The following ADARB2 variants were observed in gnomAD, a reference collection of about 807,000 sequenced individuals.
ADARB2 encodes the protein adenosine deaminase RNA specific B2 (inactive), also known as inactive double-stranded RNA-specific editase B2.
In ADARB2, 25 loss-of-function variants were observed where a neutral mutation model predicts 62.2. The ratio of observed to expected loss-of-function variants is 0.40; its 90% CI spans 0.29 to 0.56. The LOEUF (loss-of-function observed/expected upper bound fraction) is 0.56, where lower values mean the gene tolerates loss of function less well. Among genes scored for constraint, ADARB2 ranks in the 20% least tolerant of loss-of-function variants. The probability of loss-of-function intolerance (pLI) is 0.43; values close to 1 mark genes in which losing one functional copy is unlikely to be tolerated. For missense variants in ADARB2, 1,071 were observed against 1,077.4 expected (o/e 0.99, Z 0.08); for synonymous variants, 572 against 500.8 (o/e 1.14, Z -1.90).
intron 1 of ADARB2, among the ~76,000 whole-genome samples, chr10:1,609,871 C>T (rs1833545748): frequency 2.0e-5 from 3 of 152,352 alleles, no homozygotes; most frequent in South Asian, 2.1e-4. Flanking sequence ...TCTCCAGCAT[C>T]GGAGGGCAGG....
chr10:1,419,379 T>G (rs1832834262), intron 1 of ADARB2, among the ~76,000 whole-genome samples: 1 of 152,220 alleles, frequency 6.6e-6, no homozygotes, highest in Admixed American at 6.5e-5. Context: ...TACTCCCAAT[T>G]TAATATATAA....
intron 3 of ADARB2, among the ~76,000 whole-genome samples, chr10:1,288,641 G>A (rs962909882): frequency 2.0e-5 from 3 of 152,220 alleles, no homozygotes; most frequent in African/African-American, 7.2e-5. Context: ...CCTCAGATGA[G>A]ATGAGCCTGC....
At chr10:1,539,131 A>G (rs2131966508) in intron 1 of ADARB2, among the ~76,000 whole-genome samples, 1 of 152,188 alleles carries the variant, frequency 6.6e-6, no homozygotes, top group East Asian at 1.9e-4. Flanking sequence ...AGCGGGTATA[A>G]CAGAAACTCC....
chr10:1,686,515 G>A (rs1834598594), intron 1 of ADARB2, among the ~76,000 whole-genome samples: 1 of 152,216 alleles, frequency 6.6e-6, no homozygotes. Flanking sequence ...ACAAGGCTGT[G>A]GATTGCTGAT....
intron 3 of ADARB2, among the ~76,000 whole-genome samples, chr10:1,336,996 T>G (rs1477420810): frequency 6.6e-6 from 1 of 152,012 alleles, no homozygotes; most frequent in South Asian, 2.1e-4. Flanking sequence ...GGACAGGAGA[T>G]TAATGGACTG....
At chr10:1,230,275 C>T (rs1269228484) in intron 6 of ADARB2, among the ~76,000 whole-genome samples, 1 of 152,150 alleles carries the variant, frequency 6.6e-6, no homozygotes, top group Non-Finnish European at 1.5e-5. Context: ...AGGGGCAGTG[C>T]CGCTGGGTTT....
chr10:1,703,069 C>A (rs558421528), intron 1 of ADARB2, among the ~76,000 whole-genome samples: 1 of 152,144 alleles, frequency 6.6e-6, no homozygotes, highest in African/African-American at 2.4e-5. Context: ...TGTGGGATAG[C>A]GAGTTGCATG....
intron 1 of ADARB2, among the ~76,000 whole-genome samples, chr10:1,639,800 C>T (rs947585334): frequency 1.3e-5 from 2 of 152,180 alleles, no homozygotes; most frequent in African/African-American, 4.8e-5. Flanking sequence ...GGAGATCATG[C>T]CACTGCACTC....
intron 1 of ADARB2, among the ~76,000 whole-genome samples, chr10:1,580,030 G>GGAC (rs1390599244): frequency 6.6e-6 from 1 of 152,210 alleles, no homozygotes; most frequent in African/African-American, 2.4e-5. Context: ...TGTACAACTT[G>GGAC]GACGAGGCAG....
chr10:1,593,686 T>G (rs1005357501), intron 1 of ADARB2, among the ~76,000 whole-genome samples: 2 of 152,238 alleles, frequency 1.3e-5, no homozygotes, highest in Non-Finnish European at 2.9e-5. Context: ...TGGTTTGTTT[T>G]TGCTTATAAC....
intron 1 of ADARB2, among the ~76,000 whole-genome samples, chr10:1,404,441 C>A (rs1251993846): frequency 4.6e-5 from 7 of 152,250 alleles, no homozygotes; most frequent in Non-Finnish European, 1.0e-4. Context: ...TGCCATCCAG[C>A]AGACGCCAGG....
intron 5 of ADARB2, among the ~76,000 whole-genome samples, chr10:1,241,118 G>C (rs1288935048): frequency 1.3e-5 from 2 of 152,160 alleles, no homozygotes; most frequent in Non-Finnish European, 2.9e-5. Flanking sequence ...AATTAGCCAG[G>C]CGTGGTGGTG....
intron 6 of ADARB2, among the ~76,000 whole-genome samples, chr10:1,219,891 G>GTAATGATGGTGGTGATGGTGGTGA (rs1830668620): frequency 8.2e-6 from 1 of 122,004 alleles, no homozygotes; most frequent in Non-Finnish European, 1.7e-5. Flanking sequence ...GATGGTGATG[G>GTAATGATGGTGGTGATGGTGGTGA]TGATAATGAT....
At chr10:1,224,782 A>G (rs1830729669) in intron 6 of ADARB2, among the ~76,000 whole-genome samples, 1 of 152,200 alleles carries the variant, frequency 6.6e-6, no homozygotes, top group Admixed American at 6.5e-5. Context: ...TCTGAGAGAC[A>G]GTTTGTTATA....
chr10:1,633,924 C>T (rs542355037), intron 1 of ADARB2, among the ~76,000 whole-genome samples: 11 of 152,228 alleles, frequency 7.2e-5, no homozygotes, highest in Admixed American at 1.3e-4. Context: ...CATGTCCAGG[C>T]GACCCGCCAT....
At chr10:1,514,870 G>C (rs1377839923) in intron 1 of ADARB2, among the ~76,000 whole-genome samples, 1 of 152,144 alleles carries the variant, frequency 6.6e-6, no homozygotes. Context: ...GGATGGAGTG[G>C]AGCCCTCTGT....
chr10:1,670,797 G>A (rs114455574), intron 1 of ADARB2, among the ~76,000 whole-genome samples: 2,183 of 152,228 alleles, frequency 0.014, 46 homozygotes, highest in African/African-American at 0.045. Context: ...TTCTCAACGC[G>A]GCCCTGCCTG....
At chr10:1,386,579 A>G (rs946031994) in intron 1 of ADARB2, among the ~76,000 whole-genome samples, 1 of 152,148 alleles carries the variant, frequency 6.6e-6, no homozygotes, top group Admixed American at 6.5e-5. Flanking sequence ...TAAGAAAGAC[A>G]TATCACAATG....
intron 1 of ADARB2, among the ~76,000 whole-genome samples, chr10:1,548,157 C>T (rs1178561387): frequency 6.6e-6 from 1 of 152,114 alleles, no homozygotes; most frequent in Non-Finnish European, 1.5e-5. Context: ...CCAGCTGAAC[C>T]TTGGACCCGG....
Sources: allele counts gnomAD v4.1 joint callset (sites outside exome capture counted in the v4.1 genomes callset), GRCh38; gene constraint gnomAD v4.1.1; transcripts MANE v1.5; gene names NCBI Gene and HGNC (gene_info 2026-07-23, HGNC 2026-07-21).